LMBR1: variants seen among roughly 807,000 people sequenced by gnomAD.
LMBR1 encodes limb development membrane protein 1, also known as limb region 1 protein homolog.
LMBR1 carries 52 observed loss-of-function variants against 73.9 expected under a neutral mutation model. The observed-to-expected ratio is 0.70, with a 90% CI of 0.56 to 0.89. The LOEUF is 0.89. Among genes scored for constraint, LMBR1 ranks in the 40% least tolerant of loss-of-function variants. The pLI is 0.00. For missense variants in LMBR1, 539 were observed against 579.8 expected, an observed-to-expected ratio of 0.93 and a Z score of 0.72; for synonymous variants, 215 against 209.4, an observed-to-expected ratio of 1.03 and a Z score of -0.23.
intron 3 of LMBR1, among the ~76,000 whole-genome samples, chr7:156,830,678 A>G (rs1358771544): frequency 6.6e-6 from 1 of 152,222 alleles, no homozygotes; most frequent in Non-Finnish European, 1.5e-5. Flanking sequence ...GCTAATCAAT[A>G]AACATTTGCT....
intron 8 of LMBR1, 140 bp from the exon 9 acceptor site, chr7:156,756,605 C>T (rs1821928691): frequency 1.7e-6 from 1 of 572,834 alleles, no homozygotes; most frequent in Non-Finnish European, 3.0e-6. Context: ...AAAACTCCAA[C>T]TATGTTATTT....
intron 14 of LMBR1, among the ~76,000 whole-genome samples, chr7:156,724,942 A>G (rs1038536819): frequency 1.3e-5 from 2 of 152,208 alleles, no homozygotes; most frequent in African/African-American, 2.4e-5. Flanking sequence ...ATACGGCAAC[A>G]GCCTTTTTAT....
At chr7:156,709,156 T>A (rs565886096) in intron 15 of LMBR1, among the ~76,000 whole-genome samples, 1 of 152,222 alleles carries the variant, frequency 6.6e-6, no homozygotes, top group East Asian at 1.9e-4. Context: ...GAAACCAGAA[T>A]ACTTACCTTG....
intron 15 of LMBR1, among the ~76,000 whole-genome samples, chr7:156,717,548 G>T (rs906565288): frequency 6.6e-6 from 1 of 152,072 alleles, no homozygotes; most frequent in Non-Finnish European, 1.5e-5. Flanking sequence ...CAAGATGTGG[G>T]GGGTGAAATT....
intron 15 of LMBR1, among the ~76,000 whole-genome samples, chr7:156,700,416 A>G (rs952387539): frequency 4.0e-5 from 6 of 151,840 alleles, no homozygotes; most frequent in Non-Finnish European, 7.4e-5. Flanking sequence ...GGGGGGAGGG[A>G]TAGCATTAGG....
At position 156,683,734 on chromosome 7, in the gene LMBR1, G is replaced by A. The variant is rs536272367; in HGVS notation, c.*344C>T. The A allele has an allele frequency of 2.1e-5, 4 of 189,944 alleles. No homozygotes were observed. Among genetic ancestry groups the A allele is most frequent in the Admixed American group, 6.1e-5 (1 of 16,516 alleles). The allele number at this position is 189,944 out of a possible 1,614,324, so 11.8% of individuals were successfully genotyped here. Reference sequence around the variant, plus strand: ...ATTTAAGTAAATCTTTAGAAGTCCCGGAGTTTGCCTTTTCTAACATTTTCA... The same window carrying A: ...ATTTAAGTAAATCTTTAGAAGTCCCAGAGTTTGCCTTTTCTAACATTTTCA... On this transcript the variant is annotated 3_prime_UTR_variant, in exon 17 of 17. Coordinates refer to ENST00000353442, the MANE Select transcript of LMBR1 (RefSeq NM_022458.4).
At chr7:156,708,482 G>A (rs991326470) in intron 15 of LMBR1, among the ~76,000 whole-genome samples, 1 of 152,162 alleles carries the variant, frequency 6.6e-6, no homozygotes, top group Non-Finnish European at 1.5e-5. Context: ...GAGCCCTGTA[G>A]GCTCTCCCAG....
chr7:156,803,448 T>C (rs950990045), intron 4 of LMBR1, among the ~76,000 whole-genome samples: 23 of 151,966 alleles, frequency 1.5e-4, no homozygotes, highest in Non-Finnish European at 2.5e-4. Flanking sequence ...AAAACCACAA[T>C]GAGACACCAT....
chr7:156,702,423 CTTTTG>C (rs1809972634), intron 15 of LMBR1, among the ~76,000 whole-genome samples: 1 of 152,150 alleles, frequency 6.6e-6, no homozygotes, highest in Admixed American at 6.5e-5. Context: ...TAAATGTCTT[CTTTTG>C]AGAACTGTAT....
intron 1 of LMBR1, among the ~76,000 whole-genome samples, chr7:156,853,131 G>A (rs1316098963): frequency 6.6e-6 from 1 of 151,702 alleles, no homozygotes; most frequent in Non-Finnish European, 1.5e-5. Flanking sequence ...GTAGAGACGG[G>A]ATTTCACTGT....
At chr7:156,757,945 A>G (rs570539275) in intron 8 of LMBR1, among the ~76,000 whole-genome samples, 1 of 152,234 alleles carries the variant, frequency 6.6e-6, no homozygotes, top group Non-Finnish European at 1.5e-5. Context: ...AACAAATACT[A>G]AAATAATAAT....
intron 5 of LMBR1, among the ~76,000 whole-genome samples, chr7:156,777,382 C>A (rs2133139240): frequency 6.6e-6 from 1 of 152,358 alleles, no homozygotes; most frequent in South Asian, 2.1e-4. Flanking sequence ...TCCTCTACAC[C>A]TTAGCTACTG....
intron 15 of LMBR1, among the ~76,000 whole-genome samples, chr7:156,699,069 C>T (rs1446867921): frequency 6.6e-6 from 1 of 152,186 alleles, no homozygotes. Flanking sequence ...ACACCAGACA[C>T]CCTAAATCAT....
intron 1 of LMBR1, among the ~76,000 whole-genome samples, chr7:156,844,390 A>C (rs1415333038): frequency 6.6e-6 from 1 of 152,144 alleles, no homozygotes; most frequent in Non-Finnish European, 1.5e-5. Context: ...CAAAAATCAC[A>C]GAACTCATTA....
chr7:156,854,204 C>A (rs1378608407), intron 1 of LMBR1, among the ~76,000 whole-genome samples: 1 of 152,174 alleles, frequency 6.6e-6, no homozygotes, highest in African/African-American at 2.4e-5. Context: ...GGGCAAACTA[C>A]TGCTCTAAAA....
chr7:156,745,204 C>T (rs972253448), intron 9 of LMBR1, among the ~76,000 whole-genome samples: 1 of 152,098 alleles, frequency 6.6e-6, no homozygotes, highest in Non-Finnish European at 1.5e-5. Flanking sequence ...AAGTTCTCAG[C>T]ATCAGTCTTT....
chr7:156,861,111 A>AG (rs1250283303), intron 1 of LMBR1, among the ~76,000 whole-genome samples: 7 of 152,342 alleles, frequency 4.6e-5, no homozygotes, highest in Middle Eastern at 3.4e-3. Flanking sequence ...GCACTGCCCT[A>AG]GCGGAGGTTC....
intron 5 of LMBR1, among the ~76,000 whole-genome samples, chr7:156,776,482 C>T (rs1826156584): frequency 6.6e-6 from 1 of 152,172 alleles, no homozygotes; most frequent in Non-Finnish European, 1.5e-5. Flanking sequence ...CCCACACATG[C>T]ATTGATCCTA....
Position 156,763,441 on chromosome 7 carries a change from A to C in LMBR1, c.550+228T>G, listed in dbSNP as rs11770741. Among the ~76,000 whole-genome samples, 30,390 of 57,096 alleles carry C rather than the reference A, an allele frequency of 0.53. 3,432 individuals carry two copies. The highest frequency in any genetic ancestry group is 0.58 in the African/African-American group (12,736 of 21,840). The allele number at this position is 57,096 out of a possible 152,430, so 37.5% of individuals were successfully genotyped here. A position where few individuals can be genotyped will look rare whatever the true frequency, so the allele number is the denominator to read the frequency against. Reference sequence around the variant, plus strand: ...TTGAAGAACAGAAACCAATTAACAAAAACAAAAAAAAAAAATCTGAAAAGC... The same window carrying C: ...TTGAAGAACAGAAACCAATTAACAACAACAAAAAAAAAAAATCTGAAAAGC... On this transcript the variant is annotated intron_variant, in intron 6 of 16. Coordinates refer to ENST00000353442, the MANE Select transcript of LMBR1 (RefSeq NM_022458.4).
Sources: allele counts gnomAD v4.1 joint callset (sites outside exome capture counted in the v4.1 genomes callset), GRCh38; gene constraint gnomAD v4.1.1; transcripts MANE v1.5; gene names NCBI Gene and HGNC (gene_info 2026-07-23, HGNC 2026-07-21).